Variants in SLC24A1 observed in about 807,000 individuals in gnomAD.
The protein encoded by SLC24A1 is sodium/potassium/calcium exchanger 1.
In SLC24A1, 52 loss-of-function variants were observed where a neutral mutation model predicts 88.1. The ratio of observed to expected loss-of-function variants is 0.59; its 90% CI spans 0.47 to 0.74. The LOEUF is 0.74. Among genes scored for constraint, SLC24A1 ranks in the 30% least tolerant of loss-of-function variants. SLC24A1 has a pLI of 0.00. For synonymous variants in SLC24A1, 455 were observed against 498.0 expected, an observed-to-expected ratio of 0.91 and a Z score of 1.15; for missense variants, 1,173 against 1,363.3, an observed-to-expected ratio of 0.86 and a Z score of 2.20.
At chr15:65,656,440 G>T (rs1267841751), downstream of SLC24A1, among the ~76,000 whole-genome samples, 1 of 152,144 alleles carries the variant, frequency 6.6e-6, no homozygotes, top group African/African-American at 2.4e-5. Flanking sequence ...GAAAACTTGT[G>T]TAACTTTTAA....
In SLC24A1 at chr15:65,639,656, G is replaced by A; in HGVS notation, c.2006G>A (p.Ser669Asn). ...TCTCTGCACAACAGCACCATCCGCA[G>A]CACCATCTACCAGCTCATGCTCCAC... Reference protein sequence around the residue: ...STSLHNSTIRSTIYQLMLHSL... With the variant: ...STSLHNSTIRNTIYQLMLHSL... Residue 669 changes from serine (S) to asparagine (N), a missense_variant, in exon 4 of 10, where the codon AGC (serine) becomes AAC (asparagine). Transcript: ENST00000261892. 1 of 1,613,128 alleles carries A rather than the reference G, an allele frequency of 6.2e-7. No individual in the cohort carries two copies.
intron 2 of SLC24A1, among the ~76,000 whole-genome samples, chr15:65,634,563 T>G (rs1051784016): frequency 6.6e-6 from 1 of 152,168 alleles, no homozygotes; most frequent in African/African-American, 2.4e-5. Flanking sequence ...TACTTTCCAG[T>G]GCTGTTACTC....
Position 65,654,781 on chromosome 15 carries a change from C to CCA in SLC24A1, c.*705_*706dup, listed in dbSNP as rs1354957883. 9.3e-7 allele frequency: 1 copy of CCA among 1,070,884 alleles called. No individual in the cohort carries two copies. The highest frequency in any genetic ancestry group is 1.2e-6 in the Non-Finnish European group (1 of 801,984). 66.3% of individuals were successfully genotyped at this position (1,070,884 alleles called of 1,614,324 possible). ...TGTGCAATGGCGTGATCTCGGCACA[C>CCA]CACAACCTTCACCTCCCCGGTTCAA... On this transcript the variant is annotated 3_prime_UTR_variant, in exon 10 of 10. Transcript: ENST00000261892.
In SLC24A1 at chr15:65,643,079, G is replaced by T. The variant is rs951056113; in HGVS notation, c.2054-1348G>T. 11 of 1,231,470 alleles carry T rather than the reference G, an allele frequency of 8.9e-6. No individual in the cohort carries two copies. In the African/African-American group the frequency reaches 1.5e-4, roughly 17 times the overall value. The allele number at this position is 1,231,470 out of a possible 1,614,324, so 76.3% of individuals were successfully genotyped here. On this transcript the variant is annotated intron_variant, in intron 4 of 9. Coordinates refer to ENST00000261892, the MANE Select transcript of SLC24A1 (RefSeq NM_004727.3). Reference sequence around the variant, plus strand: ...GTTGTTGTTGTTGTTACAGCTAAAAGTTATAGAGTGCTTTCTAGGTGCCAG... The same window carrying T: ...GTTGTTGTTGTTGTTACAGCTAAAATTTATAGAGTGCTTTCTAGGTGCCAG...
chr15:65,620,046 A>T (rs552267968), upstream of SLC24A1, among the ~76,000 whole-genome samples: 14 of 150,916 alleles, frequency 9.3e-5, no homozygotes, highest in African/African-American at 3.4e-4. Context: ...TCACTGGGTT[A>T]TGCTTTTTAT....
Position 65,624,337 on chromosome 15 carries a change from TG to T in SLC24A1, c.263del (p.Gly88ValfsTer17). On this transcript the variant is annotated frameshift_variant, in exon 2 of 10. Transcript: ENST00000261892. LOFTEE classifies it high-confidence loss of function. ...AGCCCTTCAAAACCTAGCTCCGAAA[TG>T]GGGGGTAAGATGCTGGTACCCCAAG... is the stretch of plus-strand genomic sequence containing the variant. The part of the protein sequence containing the change: ...SSSPSKPSSE[M>X]GGKMLVPQAS... 2 of 1,613,680 alleles carry T rather than the reference TG, an allele frequency of 1.2e-6. No homozygotes were observed. Among genetic ancestry groups the T allele is most frequent in the Non-Finnish European group, 1.7e-6 (2 of 1,179,780 alleles).
At chr15:65,657,389 C>T (rs939189754), downstream of SLC24A1, among the ~76,000 whole-genome samples, 5 of 152,128 alleles carry the variant, frequency 3.3e-5, no homozygotes, top group African/African-American at 1.2e-4. Context: ...TGCCTATAAT[C>T]CCAGCACTTT....
intron 4 of SLC24A1, 56 bp from the exon 5 acceptor site, chr15:65,644,371 G>A (rs1171236928): frequency 1.9e-5 from 24 of 1,236,434 alleles, no homozygotes; most frequent in South Asian, 7.7e-5. Context: ...CTGAAAGGGC[G>A]TGGCAGGGAT....
chr15:65,634,740 C>CAAAAAAAAAAAAAAAAAAAAAAAGAAA (rs5813364), intron 2 of SLC24A1, among the ~76,000 whole-genome samples: 3 of 90,534 alleles, frequency 3.3e-5, no homozygotes, highest in Non-Finnish European at 4.5e-5. Flanking sequence ...TCAAAAGCAC[C>CAAAAAAAAAAAAAAAAAAAAAAAGAAA]AAAAAAAAAA....
downstream of SLC24A1, chr15:65,660,146 A>G: frequency 1.6e-6 from 1 of 617,420 alleles, no homozygotes; most frequent in Non-Finnish European, 2.9e-6. Context: ...TGAATAGTAA[A>G]GAATAATATT....
upstream of SLC24A1, among the ~76,000 whole-genome samples, chr15:65,620,432 G>C (rs1376230901): frequency 6.6e-6 from 1 of 152,088 alleles, no homozygotes; most frequent in African/African-American, 2.4e-5. Context: ...CTATCAAACA[G>C]GTAATGTCAT....
chr15:65,636,390 T>G (rs1252952192), intron 2 of SLC24A1, among the ~76,000 whole-genome samples: 1 of 152,170 alleles, frequency 6.6e-6, no homozygotes, highest in Non-Finnish European at 1.5e-5. Flanking sequence ...GAGACCAGCT[T>G]GGGCAACATG....
rs1225200824 is a variant in SLC24A1, at chr15:65,656,097, C to G, written c.*2018C>G. 6.1e-6 allele frequency: 6 copies of G among 985,348 alleles called. No individual in the cohort carries two copies. Among genetic ancestry groups the G allele is most frequent in the Non-Finnish European group, 4.8e-6 (4 of 829,964 alleles). The allele number at this position is 985,348 out of a possible 1,614,324, so 61.0% of individuals were successfully genotyped here. ...AAAATTCTGGGCACTAACCTGGTGT[C>G]TGCAGCCCGTTCCCGTTAGCCTCGG... On this transcript the variant is annotated 3_prime_UTR_variant, in exon 10 of 10. Coordinates refer to ENST00000261892, the MANE Select transcript of SLC24A1 (RefSeq NM_004727.3).
Position 65,655,093 on chromosome 15 carries a change from A to ATGT in SLC24A1, c.*1018_*1020dup. The stretch of plus-strand genomic sequence containing the variant: ...TGTATTTATTAGAACATGCAAATTC[A>ATGT]TGTTGTCTCCATCAGTGGTCACCTT... On this transcript the variant is annotated 3_prime_UTR_variant, in exon 10 of 10. Coordinates refer to ENST00000261892, the MANE Select transcript of SLC24A1 (RefSeq NM_004727.3). 1 of 1,013,402 alleles carries ATGT rather than the reference A, an allele frequency of 9.9e-7. No homozygotes were observed. Among genetic ancestry groups the ATGT allele is most frequent in the Non-Finnish European group, 1.2e-6 (1 of 846,636 alleles). The allele number at this position is 1,013,402 out of a possible 1,614,324, so 62.8% of individuals were successfully genotyped here. A position where few individuals can be genotyped will look rare whatever the true frequency, so the allele number is the denominator to read the frequency against.
In SLC24A1 at chr15:65,651,678, G is replaced by A. The variant is rs773755726; in HGVS notation, c.2802G>A (p.Arg934=). The change falls in exon 8 of 10, where the codon AGG becomes AGA. Residue 934 remains arginine (R), a synonymous_variant. Transcript: ENST00000261892. ...TVPDVRRQES[R]KFFVFTFLGS... ...TTCAAACTTTCAAACAGGAGTCTAG[G>A]AAGTTTTTTGTTTTCACCTTCCTGG... 6.3e-6 allele frequency: 10 copies of A among 1,587,028 alleles called. No individual in the cohort carries two copies. Among genetic ancestry groups the A allele is most frequent in the Non-Finnish European group, 7.8e-6 (9 of 1,155,958 alleles).
intron 2 of SLC24A1, among the ~76,000 whole-genome samples, chr15:65,612,799 C>T (rs1205263208): frequency 6.6e-6 from 1 of 152,158 alleles, no homozygotes; most frequent in African/African-American, 2.4e-5. Flanking sequence ...CATTACCTTA[C>T]CCAACCCTAA....
chr15:65,648,092 C>G (rs1013328411), intron 6 of SLC24A1, among the ~76,000 whole-genome samples: 1 of 152,144 alleles, frequency 6.6e-6, no homozygotes, highest in African/African-American at 2.4e-5. Context: ...AACCCCGTCT[C>G]TACTAAAACT....
intron 2 of SLC24A1, among the ~76,000 whole-genome samples, chr15:65,613,480 TTGTGTGTG>T (rs35141100): frequency 1.3e-5 from 2 of 149,018 alleles, no homozygotes; most frequent in African/African-American, 4.9e-5. Flanking sequence ...CAGGGTGATT[TTGTGTGTG>T]TGTGTGTGTG....
intron 2 of SLC24A1, among the ~76,000 whole-genome samples, chr15:65,628,978 A>G (rs559988016): frequency 6.6e-6 from 1 of 152,366 alleles, no homozygotes; most frequent in Non-Finnish European, 1.5e-5. Flanking sequence ...AGGGCCAGAC[A>G]GTAAATATTT....
Sources: gnomAD v4.1 joint callset for allele counts (sites outside exome capture counted in the v4.1 genomes callset) on GRCh38, gnomAD v4.1.1 for gene constraint, MANE v1.5 for transcripts, NCBI Gene and HGNC (gene_info 2026-07-23, HGNC 2026-07-21) for gene names.